Variants in SVOPL observed in about 807,000 individuals in gnomAD.
SVOPL encodes the protein SVOP like.
Under a neutral mutation model 61.0 loss-of-function variants are expected in SVOPL, and 60 were observed. The ratio of observed to expected loss-of-function variants is 0.98; its 90% CI spans 0.80 to 1.22. SVOPL has a LOEUF of 1.22. Ranked by LOEUF, SVOPL falls within the 50% of genes most tolerant of loss-of-function variation. SVOPL has a pLI of 0.00. For missense variants in SVOPL, 662 were observed against 643.9 expected, an observed-to-expected ratio of 1.03 and a Z score of -0.30; for synonymous variants, 279 against 250.0, an observed-to-expected ratio of 1.12 and a Z score of -1.09.
At chr7:138,671,436 C>T (rs1260132653) in intron 4 of SVOPL, among the ~76,000 whole-genome samples, 1 of 152,228 alleles carries the variant, frequency 6.6e-6, no homozygotes, top group African/African-American at 2.4e-5. Flanking sequence ...CAACCTCCTC[C>T]TCCCAGATGC....
intron 5 of SVOPL, chr7:138,661,868 C>A: frequency 1.0e-6 from 1 of 982,910 alleles, no homozygotes; most frequent in Non-Finnish European, 1.2e-6. Flanking sequence ...ATATTAATTT[C>A]GTCTCTGTTT....
rs113396709 is a variant in SVOPL at position 138,689,564 on chromosome 7, GAA to G, written c.-34-10487_-34-10486del. 3.1e-3 allele frequency: 981 copies of G among 320,814 alleles called. 2 individuals carry two copies. The highest frequency in any genetic ancestry group is 8.5e-3 in the Middle Eastern group (8 of 946). 19.9% of individuals were successfully genotyped at this position (320,814 alleles called of 1,614,324 possible). On this transcript the variant is annotated intron_variant, in intron 1 of 15. Transcript: ENST00000674285. The stretch of plus-strand genomic sequence containing the variant: ...ATAAATGAAATTAAAAGTAAAAAAA[GAA>G]AAAAAAAAAAGGGCCAGATGTGGTG...
chr7:138,676,137 G>A (rs1802554016), intron 3 of SVOPL, among the ~76,000 whole-genome samples: 1 of 152,260 alleles, frequency 6.6e-6, no homozygotes, highest in East Asian at 1.9e-4. Flanking sequence ...TGCCTGGTCT[G>A]GAGTTCTTAA....
chr7:138,682,358 C>T (rs565446332), intron 1 of SVOPL, among the ~76,000 whole-genome samples: 14 of 152,238 alleles, frequency 9.2e-5, no homozygotes, highest in Middle Eastern at 6.8e-3. Flanking sequence ...AACAGGAAGA[C>T]GTATACAACA....
chr7:138,609,204 T>A (rs774758377), intron 14 of SVOPL, among the ~76,000 whole-genome samples: 8 of 152,188 alleles, frequency 5.3e-5, no homozygotes, highest in African/African-American at 1.9e-4. Flanking sequence ...GTGGCCGATA[T>A]GTGAAGCAAC....
At chr7:138,680,737 C>T (rs1292154959) in intron 1 of SVOPL, among the ~76,000 whole-genome samples, 1 of 152,094 alleles carries the variant, frequency 6.6e-6, no homozygotes, top group Non-Finnish European at 1.5e-5. Context: ...CGCCACCACG[C>T]CCGGCTAATT....
chr7:138,695,771 ATTTTTATTTATTTG>A (rs1803051910), intron 1 of SVOPL, among the ~76,000 whole-genome samples: 1 of 151,958 alleles, frequency 6.6e-6, no homozygotes, highest in Admixed American at 6.6e-5. Context: ...CATTGTTTGA[ATTTTTATTTATTTG>A]TTTTTATTTA....
chr7:138,596,925 T>G lies in SVOPL; in HGVS notation c.1354-395A>C, dbSNP rs757479909. 3.7e-5 allele frequency: 40 copies of G among 1,088,474 alleles called. No individual in the cohort carries two copies. The Middle Eastern group carries it at 9.6e-4, about 26-fold the overall frequency. The allele number at this position is 1,088,474 out of a possible 1,614,324, so 67.4% of individuals were successfully genotyped here. A position where few individuals can be genotyped will look rare whatever the true frequency, so the allele number is the denominator to read the frequency against. On this transcript the variant is annotated intron_variant, in intron 14 of 15. Coordinates refer to ENST00000674285, the MANE Select transcript of SVOPL (RefSeq NM_001139456.2). ...TCCTCTGTCTGCCAAATATCCATTA[T>G]CTCTTCAGTCCTGACAGCATGAAAC...
At chr7:138,668,414 G>A (rs977731993) in intron 4 of SVOPL, among the ~76,000 whole-genome samples, 3 of 152,146 alleles carry the variant, frequency 2.0e-5, no homozygotes, top group Admixed American at 6.6e-5. Context: ...AGGTGAACCC[G>A]CTGGGCTGTT....
chr7:138,660,124 G>A, intron 5 of SVOPL, 136 bp from the exon 6 acceptor site: 4 of 1,452,594 alleles, frequency 2.8e-6, no homozygotes, highest in Admixed American at 2.5e-5. Context: ...CAAGCCCACT[G>A]GTCTTTCACA....
chr7:138,657,249 G>T (rs1050637386), intron 6 of SVOPL, among the ~76,000 whole-genome samples: 1 of 151,862 alleles, frequency 6.6e-6, no homozygotes, highest in Non-Finnish European at 1.5e-5. Context: ...TCAAACTCCT[G>T]GGCTCAAGAG....
At chr7:138,621,449 A>G (rs921296170) in intron 13 of SVOPL, among the ~76,000 whole-genome samples, 22 of 152,226 alleles carry the variant, frequency 1.4e-4, no homozygotes, top group Non-Finnish European at 1.9e-4. Context: ...CTTCAGAACT[A>G]TAAATATATA....
At chr7:138,637,856 G>A (rs1249276303) in intron 9 of SVOPL, among the ~76,000 whole-genome samples, 1 of 152,120 alleles carries the variant, frequency 6.6e-6, no homozygotes, top group African/African-American at 2.4e-5. Flanking sequence ...GGAGGCTGAT[G>A]CAGGAGAATC....
chr7:138,594,375 C>T lies in SVOPL; in HGVS notation c.*235G>A, dbSNP rs1798196660. 3.2e-6 allele frequency: 1 copy of T among 315,560 alleles called. No homozygotes were observed. Among genetic ancestry groups the T allele is most frequent in the East Asian group, 4.9e-5 (1 of 20,454 alleles). 19.5% of individuals were successfully genotyped at this position (315,560 alleles called of 1,614,324 possible). A position where few individuals can be genotyped will look rare whatever the true frequency, so the allele number is the denominator to read the frequency against. On this transcript the variant is annotated 3_prime_UTR_variant, in exon 16 of 16. Transcript: ENST00000674285. Reference sequence around the variant, plus strand: ...ATCTTCCCCCCCACCATCTCCCTCTCACACCCCTTTGAAAGCTTAAATTAT... The same window carrying T: ...ATCTTCCCCCCCACCATCTCCCTCTTACACCCCTTTGAAAGCTTAAATTAT...
chr7:138,663,998 T>C (rs1220124405), intron 4 of SVOPL, among the ~76,000 whole-genome samples: 2 of 152,154 alleles, frequency 1.3e-5, no homozygotes, highest in Non-Finnish European at 1.5e-5. Context: ...TATATATTCT[T>C]GCACGACAAA....
At chr7:138,696,162 A>G (rs1302481170) in intron 1 of SVOPL, among the ~76,000 whole-genome samples, 1 of 152,108 alleles carries the variant, frequency 6.6e-6, no homozygotes, top group Non-Finnish European at 1.5e-5. Context: ...ACATGTTGAC[A>G]TGTTACTCAC....
chr7:138,631,108 C>T (rs1235034542), intron 9 of SVOPL, among the ~76,000 whole-genome samples: 1 of 152,122 alleles, frequency 6.6e-6, no homozygotes, highest in East Asian at 1.9e-4. Flanking sequence ...TCTAGAGACA[C>T]TGGGAATGTG....
chr7:138,673,342 A>T (rs574389522), intron 3 of SVOPL, among the ~76,000 whole-genome samples: 1 of 152,170 alleles, frequency 6.6e-6, no homozygotes, highest in South Asian at 2.1e-4. Flanking sequence ...TTCAACAGGT[A>T]TCAGAAGTAA....
chr7:138,640,810 T>G (rs1800745264), intron 9 of SVOPL, among the ~76,000 whole-genome samples: 1 of 152,146 alleles, frequency 6.6e-6, no homozygotes, highest in African/African-American at 2.4e-5. Context: ...TATTGGGTAC[T>G]ATGCTCACTG....
Sources: allele counts gnomAD v4.1 joint callset (sites outside exome capture counted in the v4.1 genomes callset), GRCh38; gene constraint gnomAD v4.1.1; transcripts MANE v1.5; gene names NCBI Gene and HGNC (gene_info 2026-07-23, HGNC 2026-07-21).